RFT1: variants seen among roughly 807,000 people sequenced by gnomAD.
The protein encoded by RFT1 is man(5)GlcNAc(2)-PP-dolichol translocation protein RFT1.
Under a neutral mutation model 62.2 loss-of-function variants are expected in RFT1, and 43 were observed. The observed-to-expected ratio is 0.69, with a 90% confidence interval of 0.54 to 0.89. The LOEUF (loss-of-function observed/expected upper bound fraction) is 0.89. Among genes scored for constraint, RFT1 ranks in the 40% least tolerant of loss-of-function variants. The probability of loss-of-function intolerance (pLI) is 0.00; values close to 1 mark genes in which losing one functional copy is unlikely to be tolerated. For missense variants in RFT1, 605 were observed against 649.9 expected (o/e 0.93, Z 0.75); for synonymous variants, 262 against 264.6 (o/e 0.99, Z 0.10).
chr3:53,099,350 T>A, intron 11 of RFT1, 31 bp downstream of exon 11: 3 of 1,545,866 alleles, frequency 1.9e-6, no homozygotes, highest in Non-Finnish European at 2.7e-6. Flanking sequence ...CTGAAGGCCA[T>A]GATTAAAGGT....
At chr3:53,106,785 C>T (rs762295984) in intron 8 of RFT1, 34 bp downstream of exon 8, 2 of 1,462,178 alleles carry the variant, frequency 1.4e-6, no homozygotes, top group Non-Finnish European at 1.9e-6. Flanking sequence ...ATAGTGTTCA[C>T]CTTTAATTAA....
intron 3 of RFT1, among the ~76,000 whole-genome samples, chr3:53,122,800 C>A (rs1702008450): frequency 6.6e-6 from 1 of 152,108 alleles, no homozygotes; most frequent in South Asian, 2.1e-4. Context: ...AGGCACTGGG[C>A]AATTTGGCCA....
At chr3:53,070,409 T>TTTTTG in the RFT1 span, among the ~76,000 whole-genome samples, 1 of 138,960 alleles carries the variant, frequency 7.2e-6, no homozygotes, top group Non-Finnish European at 1.6e-5. Flanking sequence ...TTTTTTTTTT[T>TTTTTG]TTTTTTTTTT....
At chr3:53,098,769 T>C in intron 11 of RFT1, among the ~76,000 whole-genome samples, 1 of 111,682 alleles carries the variant, frequency 9.0e-6, no homozygotes, top group African/African-American at 3.4e-5. Flanking sequence ...GCCACTGCAC[T>C]CAAGCCTGGG....
chr3:53,072,884 C>T, the RFT1 span, among the ~76,000 whole-genome samples: 1 of 152,232 alleles, frequency 6.6e-6, no homozygotes, highest in Non-Finnish European at 1.5e-5. Flanking sequence ...CAGGGCTCCG[C>T]CCGCGACCTC....
intron 11 of RFT1, among the ~76,000 whole-genome samples, chr3:53,094,734 C>T (rs1000914274): frequency 6.6e-6 from 1 of 151,858 alleles, no homozygotes; most frequent in Non-Finnish European, 1.5e-5. Flanking sequence ...TCCCCAACTC[C>T]GAGTAAAATA....
intron 10 of RFT1, among the ~76,000 whole-genome samples, chr3:53,101,866 C>T (rs555407313): frequency 2.0e-5 from 3 of 152,022 alleles, no homozygotes; most frequent in African/African-American, 4.8e-5. Context: ...GGCGAAACCC[C>T]GTCTCTACTA....
intron 8 of RFT1, 148 bp from the exon 9 acceptor site, chr3:53,105,951 G>T: frequency 2.4e-6 from 2 of 817,446 alleles, no homozygotes; most frequent in Non-Finnish European, 1.8e-6. Context: ...AAGTAATAGT[G>T]GCCAGGCACG....
At chr3:53,099,018 T>C (rs1181794077) in intron 11 of RFT1, among the ~76,000 whole-genome samples, 2 of 152,108 alleles carry the variant, frequency 1.3e-5, no homozygotes, top group Non-Finnish European at 2.9e-5. Flanking sequence ...AAGAAGCTCC[T>C]CAGTAACTTA....
chr3:53,106,622 C>A (rs1323854995), intron 8 of RFT1, among the ~76,000 whole-genome samples, 197 bp downstream of exon 8: 1 of 152,124 alleles, frequency 6.6e-6, no homozygotes, highest in Non-Finnish European at 1.5e-5. Flanking sequence ...AAATAGAGGG[C>A]CGGGGTCTCA....
At chr3:53,093,354 C>A (rs1701050559) in intron 11 of RFT1, among the ~76,000 whole-genome samples, 1 of 152,188 alleles carries the variant, frequency 6.6e-6, no homozygotes, top group South Asian at 2.1e-4. Flanking sequence ...GATTTCAAAG[C>A]AGCACATCAC....
rs72967422 is a variant in RFT1 at position 53,123,453 on chromosome 3, C to T, written c.266+271G>A. 0.045 allele frequency among the ~76,000 whole-genome samples: 6,835 copies of T among 152,286 alleles called. 536 individuals are homozygous for T. Among genetic ancestry groups the T allele is most frequent in the African/African-American group, 0.16 (6,475 of 41,526 alleles). On this transcript the variant is annotated intron_variant, in intron 3 of 12. Coordinates refer to ENST00000296292, the MANE Select transcript of RFT1 (RefSeq NM_052859.4). The stretch of plus-strand genomic sequence containing the variant: ...GTGGTCAGAAACAGCAAGAAACCAC[C>T]TCCAAAGAGGATGAAACCAGGGCTA...
At chr3:53,075,395 A>G in the RFT1 span, among the ~76,000 whole-genome samples, 1 of 152,000 alleles carries the variant, frequency 6.6e-6, no homozygotes, top group Non-Finnish European at 1.5e-5. Flanking sequence ...TGCGGCCTGT[A>G]CCCTCTCCCT....
At chr3:53,096,143 T>A (rs1701131962) in intron 11 of RFT1, among the ~76,000 whole-genome samples, 1 of 152,200 alleles carries the variant, frequency 6.6e-6, no homozygotes, top group African/African-American at 2.4e-5. Flanking sequence ...CACATTTTCT[T>A]ATTAATTTAC....
At chr3:53,116,602 T>C (rs549860322) in intron 6 of RFT1, among the ~76,000 whole-genome samples, 1 of 150,696 alleles carries the variant, frequency 6.6e-6, no homozygotes, top group East Asian at 2.0e-4. Context: ...CCTCTTTTTT[T>C]CTTTCTCTTT....
intron 9 of RFT1, among the ~76,000 whole-genome samples, chr3:53,105,415 GCC>G (rs369150776): frequency 2.0e-4 from 2 of 10,066 alleles, no homozygotes; most frequent in East Asian, 4.8e-3. Context: ...CTCTATCCCC[GCC>G]CCCCCCCCCA....
At chr3:53,121,407 A>T (rs1466403507) in intron 5 of RFT1, among the ~76,000 whole-genome samples, 1 of 152,116 alleles carries the variant, frequency 6.6e-6, no homozygotes, top group Non-Finnish European at 1.5e-5. Context: ...ATGACCAAAG[A>T]TCAGTTTGAA....
chr3:53,080,644 G>A, the RFT1 span, among the ~76,000 whole-genome samples: 1 of 152,136 alleles, frequency 6.6e-6, no homozygotes, highest in Non-Finnish European at 1.5e-5. Context: ...AATTCCACTC[G>A]TTCAAGTCCA....
intron 6 of RFT1, among the ~76,000 whole-genome samples, chr3:53,113,821 G>C (rs945747327): frequency 3.9e-5 from 6 of 152,044 alleles, no homozygotes; most frequent in Non-Finnish European, 7.4e-5. Context: ...CTAACATTTG[G>C]GACAGGGCAA....
Sources: gnomAD v4.1 joint callset for allele counts (sites outside exome capture counted in the v4.1 genomes callset) on GRCh38, gnomAD v4.1.1 for gene constraint, MANE v1.5 for transcripts, NCBI Gene and HGNC (gene_info 2026-07-23, HGNC 2026-07-21) for gene names.